The following GALNT13 variants were observed in gnomAD, a reference collection of about 807,000 sequenced individuals.
GALNT13 encodes the protein UDP-GalNAc:polypeptide N-acetylgalactosaminyltransferase 13.
Under a neutral mutation model 64.2 loss-of-function variants are expected in GALNT13, and 28 were observed. That is an observed-to-expected ratio of 0.44 (90% CI 0.32 to 0.60). The LOEUF (loss-of-function observed/expected upper bound fraction) is 0.60. Ranked by LOEUF, GALNT13 falls within the 20% of genes least tolerant of loss-of-function variation. GALNT13 has a pLI of 0.05. For synonymous variants in GALNT13, 214 were observed against 224.6 expected (o/e 0.95, Z 0.42); for missense variants, 577 against 669.8 (o/e 0.86, Z 1.53).
At chr2:153,780,776 A>T in the GALNT13 span, among the ~76,000 whole-genome samples, 1 of 152,134 alleles carries the variant, frequency 6.6e-6, no homozygotes. Context: ...GAGAACAGCA[A>T]AAATATTGCC....
intron 7 of GALNT13, among the ~76,000 whole-genome samples, chr2:154,249,819 T>G (rs554913387): frequency 2.2e-4 from 34 of 152,232 alleles, no homozygotes; most frequent in Non-Finnish European, 4.1e-4. Flanking sequence ...TTTACCTAAT[T>G]TTATATTCCT....
At chr2:153,968,321 C>T (rs948314616) in intron 3 of GALNT13, among the ~76,000 whole-genome samples, 2 of 152,210 alleles carry the variant, frequency 1.3e-5, no homozygotes, top group African/African-American at 4.8e-5. Context: ...TGAGCACCAG[C>T]AGAATTTTTC....
the GALNT13 span, among the ~76,000 whole-genome samples, chr2:153,100,650 T>C: frequency 1.9e-4 from 29 of 152,320 alleles, no homozygotes; most frequent in African/African-American, 7.0e-4. Flanking sequence ...AATATTTATG[T>C]AAGTATATAA....
At chr2:153,749,098 G>C in the GALNT13 span, among the ~76,000 whole-genome samples, 1 of 151,906 alleles carries the variant, frequency 6.6e-6, no homozygotes, top group African/African-American at 2.4e-5. Flanking sequence ...CTTTTCCCTA[G>C]TTTATGTTCT....
intron 8 of GALNT13, among the ~76,000 whole-genome samples, chr2:154,281,954 GAGTA>G (rs1341190953): frequency 6.6e-6 from 1 of 152,078 alleles, no homozygotes; most frequent in East Asian, 1.9e-4. Flanking sequence ...TTTAGAAAAT[GAGTA>G]AGTATGAAAA....
chr2:153,925,538 G>C lies in GALNT13; in HGVS notation c.-104-18856G>C, dbSNP rs571533813. ...TTGCTTAGGATTGTCTTGGCTATTT[G>C]AGCTCTTTTTTGGTTCCATATGAAT... is the stretch of plus-strand genomic sequence containing the variant. On this transcript the variant is annotated intron_variant, in intron 2 of 12. Coordinates refer to ENST00000392825, the MANE Select transcript of GALNT13 (RefSeq NM_052917.4). Among the ~76,000 whole-genome samples, 108 of 114,362 alleles carry C rather than the reference G, an allele frequency of 9.4e-4. 1 individual carries two copies. In the East Asian group the frequency reaches 0.023, roughly 25 times the overall value. The allele number at this position is 114,362 out of a possible 152,430, so 75.0% of individuals were successfully genotyped here. A position where few individuals can be genotyped will look rare whatever the true frequency, so the allele number is the denominator to read the frequency against.
At chr2:154,073,225 C>T (rs1574453339) in intron 3 of GALNT13, among the ~76,000 whole-genome samples, 3 of 132,872 alleles carry the variant, frequency 2.3e-5, no homozygotes, top group African/African-American at 7.7e-5. Flanking sequence ...AGCACTTGTG[C>T]GACTGTTTGA....
chr2:153,956,392 A>G (rs6706530), intron 3 of GALNT13, among the ~76,000 whole-genome samples: 8,521 of 152,318 alleles, frequency 0.056, 348 homozygotes, highest in South Asian at 0.11. Context: ...CATTTTCTAA[A>G]AAGCCTGTTA....
chr2:153,280,871 A>G, the GALNT13 span, among the ~76,000 whole-genome samples: 74 of 152,282 alleles, frequency 4.9e-4, 1 homozygote, highest in East Asian at 0.013. Context: ...GCAGATGTCT[A>G]TTAGGTCCAA....
chr2:153,085,009 G>A, the GALNT13 span, among the ~76,000 whole-genome samples: 6 of 152,160 alleles, frequency 3.9e-5, no homozygotes, highest in Non-Finnish European at 8.8e-5. Flanking sequence ...ATAGTGACAT[G>A]GACAATTAAG....
intron 3 of GALNT13, among the ~76,000 whole-genome samples, chr2:154,005,769 A>G (rs1252421532): frequency 6.6e-6 from 1 of 152,158 alleles, no homozygotes; most frequent in African/African-American, 2.4e-5. Context: ...GAAGCTAGGT[A>G]TATGTTTCTT....
At chr2:154,165,205 T>C (rs1684959899) in intron 4 of GALNT13, among the ~76,000 whole-genome samples, 2 of 152,134 alleles carry the variant, frequency 1.3e-5, no homozygotes, top group African/African-American at 4.8e-5. Flanking sequence ...TAATATAATC[T>C]AACAGGGGTC....
the GALNT13 span, among the ~76,000 whole-genome samples, chr2:153,224,876 C>T: frequency 1.3e-5 from 2 of 152,114 alleles, no homozygotes. Context: ...AGGCACCATG[C>T]CAAGATGACT....
chr2:153,321,935 G>A, the GALNT13 span, among the ~76,000 whole-genome samples: 1 of 151,792 alleles, frequency 6.6e-6, no homozygotes, highest in Non-Finnish European at 1.5e-5. Context: ...AGTCTGAAGT[G>A]GTACATAGAG....
At chr2:153,770,391 C>G in the GALNT13 span, among the ~76,000 whole-genome samples, 1 of 152,228 alleles carries the variant, frequency 6.6e-6, no homozygotes, top group South Asian at 2.1e-4. Flanking sequence ...AGTGCCTTTT[C>G]TAAATTCTGG....
At chr2:153,642,198 T>G in the GALNT13 span, among the ~76,000 whole-genome samples, 1 of 151,974 alleles carries the variant, frequency 6.6e-6, no homozygotes, top group African/African-American at 2.4e-5. Context: ...AGTCTATTTA[T>G]TCCAGGCTAC....
chr2:154,108,550 A>G (rs1702753787), intron 3 of GALNT13, among the ~76,000 whole-genome samples: 1 of 152,054 alleles, frequency 6.6e-6, no homozygotes, highest in South Asian at 2.1e-4. Flanking sequence ...TCACACTGTT[A>G]ATTGTCTTCT....
chr2:153,944,081 C>T (rs1485605633), intron 2 of GALNT13, among the ~76,000 whole-genome samples: 1 of 152,056 alleles, frequency 6.6e-6, no homozygotes, highest in Non-Finnish European at 1.5e-5. Context: ...GTCAGAATTG[C>T]ACTATTTGAC....
chr2:154,240,178 G>A lies in GALNT13; in HGVS notation c.312-1852G>A, dbSNP rs1047002846. ...ATGACAGAAATGCCTGAATGTTGAC[G>A]AGTTGATGGGAGCAACAAACATCTG... On this transcript the variant is annotated intron_variant, in intron 4 of 12. Transcript: ENST00000392825. Among the ~76,000 whole-genome samples the A allele has an allele frequency of 3.3e-5, 5 of 152,180 alleles. No homozygotes were observed. In the East Asian group the frequency reaches 7.7e-4, roughly 24 times the overall value.
Sources: gnomAD v4.1 joint callset for allele counts (sites outside exome capture counted in the v4.1 genomes callset) on GRCh38, gnomAD v4.1.1 for gene constraint, MANE v1.5 for transcripts, NCBI Gene and HGNC (gene_info 2026-07-23, HGNC 2026-07-21) for gene names.